The following GATA4 variants were observed in gnomAD, a reference collection of about 807,000 sequenced individuals.
GATA4 encodes the protein transcription factor GATA-4.
GATA4 carries 7 observed loss-of-function variants against 37.9 expected under a neutral mutation model. The ratio of observed to expected loss-of-function variants is 0.18; its 90% confidence interval spans 0.11 to 0.35. The LOEUF is 0.35. Among genes scored for constraint, GATA4 ranks in the 10% least tolerant of loss-of-function variants. The pLI, the probability that GATA4 is intolerant of heterozygous loss-of-function variation, is 1.00. For missense variants in GATA4, 647 were observed against 653.0 expected (o/e 0.99, Z 0.10); for synonymous variants, 372 against 292.6 (o/e 1.27, Z -2.77).
upstream of GATA4, among the ~76,000 whole-genome samples, chr8:11,700,240 G>A (rs766004835): frequency 1.3e-5 from 2 of 152,256 alleles, no homozygotes; most frequent in Non-Finnish European, 2.9e-5. Flanking sequence ...GCACCAGGAA[G>A]CATTTGAGGA....
At chr8:11,681,492 C>CGGGGGGGGGGGGGGGGGGGG (rs202218053) in intron 1 of GATA4, 1 of 916,964 alleles carries the variant, frequency 1.1e-6, no homozygotes, top group African/African-American at 2.3e-5. Context: ...GCGGCGCTCG[C>CGGGGGGGGGGGGGGGGGGGG]GGGGGGGGGG....
At chr8:11,697,061 A>T (rs185006692) in intron 1 of GATA4, among the ~76,000 whole-genome samples, 1 of 152,198 alleles carries the variant, frequency 6.6e-6, no homozygotes, top group Non-Finnish European at 1.5e-5. Context: ...TTCCTGAGTG[A>T]CATCCTGCCA....
chr8:11,739,253 G>A (rs1358247995), intron 2 of GATA4, among the ~76,000 whole-genome samples: 59 of 152,214 alleles, frequency 3.9e-4, no homozygotes, highest in Admixed American at 3.7e-3. Flanking sequence ...CTATCCAATT[G>A]TCATGTAATA....
intron 2 of GATA4, 26 bp from the exon 3 acceptor site, chr8:11,748,890 T>G: frequency 1.2e-6 from 2 of 1,613,864 alleles, no homozygotes; most frequent in Non-Finnish European, 1.7e-6. Context: ...CTCTGTGTCT[T>G]TTCTTGTCTG....
chr8:11,705,058 T>G (rs2130046232), intron 1 of GATA4, among the ~76,000 whole-genome samples: 1 of 152,172 alleles, frequency 6.6e-6, no homozygotes, highest in South Asian at 2.1e-4. Flanking sequence ...GGGGTCACCG[T>G]GGGCAGAGGG....
chr8:11,736,826 G>A (rs1801483342), intron 2 of GATA4, among the ~76,000 whole-genome samples: 1 of 152,204 alleles, frequency 6.6e-6, no homozygotes, highest in African/African-American at 2.4e-5. Context: ...ACACTAGGAA[G>A]CACCTAAGTC....
intron 6 of GATA4, 141 bp from the exon 7 acceptor site, chr8:11,758,152 A>C: frequency 1.3e-6 from 1 of 782,966 alleles, no homozygotes; most frequent in Non-Finnish European, 2.2e-6. Context: ...GGAGAAACAG[A>C]GAGAAGTGCT....
At chr8:11,728,710 A>G (rs1172764555) in intron 2 of GATA4, among the ~76,000 whole-genome samples, 4 of 152,178 alleles carry the variant, frequency 2.6e-5, no homozygotes, top group Non-Finnish European at 5.9e-5. Context: ...CACTGTGCCC[A>G]GCCCTGGATT....
In GATA4 at chr8:11,682,976, A is replaced by G. The variant is rs1050042060; in HGVS notation, c.-274+5913A>G. On this transcript the variant is annotated intron_variant, in intron 1 of 6. Coordinates refer to the GATA4 transcript ENST00000528712. The stretch of plus-strand genomic sequence containing the variant: ...AATGCTATGGGTGTGGGGACAAGAT[A>G]CTGGGTTCAGAGAAAGTTCTGGGAA... 3.9e-6 allele frequency: 3 copies of G among 763,278 alleles called. No individual in the cohort carries two copies. In the African/African-American group the frequency reaches 5.7e-5, roughly 14 times the overall value. 47.3% of individuals were successfully genotyped at this position (763,278 alleles called of 1,614,324 possible).
intron 2 of GATA4, among the ~76,000 whole-genome samples, chr8:11,737,335 T>C (rs750275064): frequency 6.6e-6 from 1 of 152,170 alleles, no homozygotes; most frequent in Non-Finnish European, 1.5e-5. Flanking sequence ...GAAGGGGAAG[T>C]TGTTTCCTCC....
At chr8:11,715,519 C>G (rs968198506) in intron 2 of GATA4, among the ~76,000 whole-genome samples, 2 of 152,050 alleles carry the variant, frequency 1.3e-5, no homozygotes, top group African/African-American at 2.4e-5. Flanking sequence ...GAGGCTGAGG[C>G]GGGCGGATCG....
rs75458116 is a variant in GATA4 at position 11,685,262 on chromosome 8, T to A, written c.-274+8199T>A. On this transcript the variant is annotated intron_variant, in intron 1 of 6. Coordinates refer to the GATA4 transcript ENST00000528712. ...AAGAAAAAGTAGATTGTGAAACACT[T>A]CTACCACAGTCGAGAAAGAGAAGAG... Among the ~76,000 whole-genome samples the A allele has an allele frequency of 3.2e-3, 486 of 152,336 alleles. 5 individuals carry two copies. The highest frequency in any genetic ancestry group is 0.011 in the African/African-American group (454 of 41,576).
rs1554488901 is a variant in GATA4 at position 11,709,578 on chromosome 8, G to GGC, written c.616+651_616+652insCG. On this transcript the variant is annotated intron_variant, in intron 2 of 6. Coordinates refer to ENST00000532059, the MANE Select transcript of GATA4 (RefSeq NM_001308093.3). The surrounding 1 kb of genome is among the most constrained non-coding windows in gnomAD (Gnocchi z 4.3). ...CGTGGGCGCATCATGCGGGCAGCGGGGGGGGGGGCGCACACGCCCGGTCAG... is the reference window on the plus strand; with the variant it reads ...CGTGGGCGCATCATGCGGGCAGCGGGGCGGGGGGGGCGCACACGCCCGGTCAG... 2.6e-5 allele frequency among the ~76,000 whole-genome samples: 3 copies of GGC among 115,392 alleles called. No individual in the cohort carries two copies. Among genetic ancestry groups the GGC allele is most frequent in the Admixed American group, 7.6e-5 (1 of 13,106 alleles). The allele number at this position is 115,392 out of a possible 152,430, so 75.7% of individuals were successfully genotyped here.
In GATA4 at chr8:11,758,361, C is replaced by T. The variant is rs746785630; in HGVS notation, c.1218C>T (p.Leu406=). ...ACCCTGTCCTCTCGGCCCTGAAGCT[C>T]TCCCCACAAGGCTATGCGTCTCCCG... is the stretch of plus-strand genomic sequence containing the variant. ...SIHPVLSALK[L]SPQGYASPVS... Residue 406 remains leucine (L), a synonymous_variant, in exon 7 of 7, where the codon CTC becomes CTT. Transcript: ENST00000532059. 10 of 1,614,224 alleles carry T rather than the reference C, an allele frequency of 6.2e-6. No individual in the cohort carries two copies. In the South Asian group the frequency reaches 6.6e-5, roughly 11 times the overall value.
In GATA4 at chr8:11,708,369, G is replaced by A. The variant is rs904326251; in HGVS notation, c.57G>A (p.Glu19=). Residue 19 remains glutamate, a synonymous_variant, in exon 2 of 7, where the codon GAG becomes GAA. Transcript: ENST00000532059. The surrounding 1 kb of genome is among the most constrained non-coding windows in gnomAD (Gnocchi z 6.7). ...ANHGPPPGAY[E]AGGPGAFMHG... is the part of the protein sequence containing the mutation. ...ACGGGCCGCCCCCCGGTGCCTACGA[G>A]GCGGGCGGCCCCGGCGCCTTCATGC... is the stretch of plus-strand genomic sequence containing the variant. 1 of 1,567,222 alleles carries A rather than the reference G, an allele frequency of 6.4e-7. No homozygotes were observed. Among genetic ancestry groups the A allele is most frequent in the Non-Finnish European group, 8.6e-7 (1 of 1,164,678 alleles).
At chr8:11,679,178 GC>G (rs71205013) in intron 1 of GATA4, among the ~76,000 whole-genome samples, 17,672 of 39,688 alleles carry the variant, frequency 0.45, 2,426 homozygotes, top group East Asian at 0.55. Context: ...CCGAATAATT[GC>G]GGGGGGGGGC....
rs55788387 is a variant in GATA4, at chr8:11,749,001, G to A, written c.702G>A (p.Thr234=). The A allele has an allele frequency of 2.8e-3, 4,531 of 1,614,200 alleles. 22 individuals carry two copies. The highest frequency in any genetic ancestry group is 2.8e-3 in the Middle Eastern group (17 of 6,062). The stretch of plus-strand genomic sequence containing the variant: ...CCCCGCTCTGGAGGCGAGATGGGAC[G>A]GGTCACTATCTGTGCAACGCCTGCG... ...MSTPLWRRDG[T]GHYLCNACGL... Residue 234 remains threonine (T), a synonymous_variant, in exon 3 of 7, where the codon ACG becomes ACA. Coordinates refer to ENST00000532059, the MANE Select transcript of GATA4 (RefSeq NM_001308093.3). The surrounding 1 kb of genome is among the most constrained non-coding windows in gnomAD (Gnocchi z 4.6).
chr8:11,715,754 A>C (rs1381692010), intron 2 of GATA4, among the ~76,000 whole-genome samples: 2 of 152,008 alleles, frequency 1.3e-5, no homozygotes, highest in African/African-American at 2.4e-5. Flanking sequence ...AAAAAAAAAC[A>C]ACTCAAATCA....
At chr8:11,726,679 T>C (rs988394437) in intron 2 of GATA4, among the ~76,000 whole-genome samples, 4 of 152,076 alleles carry the variant, frequency 2.6e-5, no homozygotes, top group African/African-American at 9.7e-5. Context: ...TCTGATGCAG[T>C]TGGAGGCCTT....
Sources: allele counts gnomAD v4.1 joint callset (sites outside exome capture counted in the v4.1 genomes callset), GRCh38; gene constraint gnomAD v4.1.1; non-coding constraint Gnocchi (gnomAD v3.1); transcripts MANE v1.5; gene names NCBI Gene and HGNC (gene_info 2026-07-23, HGNC 2026-07-21).